Variants in ANTXR2 observed in about 807,000 individuals in gnomAD.
ANTXR2 encodes ANTXR cell adhesion molecule 2, also known as anthrax toxin receptor 2.
A neutral mutation model predicts 73.7 loss-of-function variants in ANTXR2; 44 were observed. The observed-to-expected ratio is 0.60, with a 90% CI of 0.47 to 0.77. The LOEUF is 0.77. Among genes scored for constraint, ANTXR2 ranks in the 30% least tolerant of loss-of-function variants. The probability of loss-of-function intolerance (pLI) is 0.00; values close to 1 mark genes in which losing one functional copy is unlikely to be tolerated. For missense variants in ANTXR2, 604 were observed against 592.5 expected, an observed-to-expected ratio of 1.02 and a Z score of -0.20; for synonymous variants, 217 against 205.9, an observed-to-expected ratio of 1.05 and a Z score of -0.46.
At chr4:79,919,053 G>A (rs1727465995) in intron 16 of ANTXR2, among the ~76,000 whole-genome samples, 1 of 151,902 alleles carries the variant, frequency 6.6e-6, no homozygotes, top group South Asian at 2.1e-4. Flanking sequence ...TGGCTAAAAA[G>A]ATAACAGAGG....
At chr4:79,949,138 T>C (rs778003862) in intron 16 of ANTXR2, among the ~76,000 whole-genome samples, 6 of 152,110 alleles carry the variant, frequency 3.9e-5, no homozygotes, top group Admixed American at 6.6e-5. Context: ...TCAATTTAGG[T>C]ATAAAATGTA....
intron 12 of ANTXR2, among the ~76,000 whole-genome samples, chr4:80,007,623 A>G (rs948828464): frequency 5.3e-5 from 8 of 152,192 alleles, no homozygotes; most frequent in South Asian, 2.1e-4. Flanking sequence ...TTAAAACTGG[A>G]GGACCTTTCC....
chr4:79,934,291 G>T (rs1444833852), intron 16 of ANTXR2, among the ~76,000 whole-genome samples: 1 of 152,080 alleles, frequency 6.6e-6, no homozygotes, highest in African/African-American at 2.4e-5. Context: ...CACTTTGTGG[G>T]GGCAATGTGG....
chr4:79,938,065 G>A (rs559319455), intron 16 of ANTXR2, among the ~76,000 whole-genome samples: 9 of 26,094 alleles, frequency 3.4e-4, no homozygotes, highest in Admixed American at 1.6e-3. Flanking sequence ...CACCTGGCTC[G>A]GAGGGTCCTA....
chr4:79,922,509 T>C (rs1727629442), intron 16 of ANTXR2, among the ~76,000 whole-genome samples: 1 of 152,054 alleles, frequency 6.6e-6, no homozygotes, highest in African/African-American at 2.4e-5. Context: ...ATGTAACCTT[T>C]CAAAGGTTAA....
intron 16 of ANTXR2, among the ~76,000 whole-genome samples, chr4:79,975,955 C>T (rs959720565): frequency 6.7e-6 from 1 of 149,248 alleles, no homozygotes; most frequent in African/African-American, 2.4e-5. Flanking sequence ...CTCTGTCGCC[C>T]AGGCTGGAGT....
chr4:79,917,315 A>C (rs964237877), intron 16 of ANTXR2, among the ~76,000 whole-genome samples: 2 of 152,056 alleles, frequency 1.3e-5, no homozygotes, highest in Non-Finnish European at 2.9e-5. Flanking sequence ...GGCAAGAGGA[A>C]AGAAAAAAAA....
In ANTXR2 at chr4:79,901,667, A is replaced by G. The variant is rs1726707054; in HGVS notation, c.*5762T>C. On this transcript the variant is annotated 3_prime_UTR_variant, in exon 17 of 17. Transcript: ENST00000403729. ...TATTATTATTACATTGTTATATATA[A>G]TGAAATAATTACACAACTCACTATA... 1 of 154,760 alleles carries G rather than the reference A, an allele frequency of 6.5e-6. No homozygotes were observed. Among genetic ancestry groups the G allele is most frequent in the Non-Finnish European group, 1.4e-5 (1 of 70,382 alleles). 9.6% of individuals were successfully genotyped at this position (154,760 alleles called of 1,614,324 possible). A position where few individuals can be genotyped will look rare whatever the true frequency, so the allele number is the denominator to read the frequency against.
At chr4:80,037,152 A>T (rs1404701441) in intron 7 of ANTXR2, among the ~76,000 whole-genome samples, 1 of 152,216 alleles carries the variant, frequency 6.6e-6, no homozygotes, top group Non-Finnish European at 1.5e-5. Flanking sequence ...ATTATCAGTC[A>T]GACAAATTCC....
At chr4:79,908,253 A>G (rs1726997689) in intron 16 of ANTXR2, among the ~76,000 whole-genome samples, 1 of 152,190 alleles carries the variant, frequency 6.6e-6, no homozygotes, top group African/African-American at 2.4e-5. Context: ...CAACCAGCCA[A>G]AAGCTAGCAT....
intron 16 of ANTXR2, among the ~76,000 whole-genome samples, chr4:79,923,806 A>C (rs755563544): frequency 6.6e-6 from 1 of 152,172 alleles, no homozygotes; most frequent in Admixed American, 6.6e-5. Context: ...TATTTGTAGA[A>C]GAAGCATGGT....
At chr4:79,921,928 T>C (rs1578084543) in intron 16 of ANTXR2, among the ~76,000 whole-genome samples, 2 of 152,068 alleles carry the variant, frequency 1.3e-5, no homozygotes, top group East Asian at 3.9e-4. Context: ...ACTGAGGTCA[T>C]TTATTACATC....
intron 3 of ANTXR2, among the ~76,000 whole-genome samples, chr4:80,067,922 C>T (rs764358841): frequency 9.2e-5 from 14 of 152,260 alleles, no homozygotes; most frequent in Admixed American, 3.3e-4. Flanking sequence ...CAAACTACCA[C>T]GGCACACGTT....
intron 16 of ANTXR2, among the ~76,000 whole-genome samples, chr4:79,977,152 A>C (rs1729669131): frequency 6.6e-6 from 1 of 152,220 alleles, no homozygotes; most frequent in Non-Finnish European, 1.5e-5. Flanking sequence ...ATAACTTTAA[A>C]GACACTTTTA....
At chr4:79,930,732 T>C (rs1728024460) in intron 16 of ANTXR2, among the ~76,000 whole-genome samples, 1 of 152,220 alleles carries the variant, frequency 6.6e-6, no homozygotes, top group Admixed American at 6.5e-5. Context: ...GCCCCAATTC[T>C]ATTTCACTGT....
intron 3 of ANTXR2, among the ~76,000 whole-genome samples, chr4:80,069,085 C>G (rs1386868402): frequency 6.6e-6 from 1 of 152,134 alleles, no homozygotes; most frequent in Non-Finnish European, 1.5e-5. Flanking sequence ...CTTTCTCCCC[C>G]TCAATGTTCT....
intron 10 of ANTXR2, among the ~76,000 whole-genome samples, chr4:80,026,037 T>C (rs1025785222): frequency 2.0e-5 from 3 of 152,164 alleles, no homozygotes; most frequent in African/African-American, 7.2e-5. Context: ...CAAGTCAATT[T>C]AGTGCCTAAA....
intron 14 of ANTXR2, among the ~76,000 whole-genome samples, chr4:79,982,375 G>A (rs937768830): frequency 7.9e-5 from 12 of 151,920 alleles, no homozygotes; most frequent in Admixed American, 3.9e-4. Flanking sequence ...TTTTTTCCCC[G>A]TTATATAGAT....
At chr4:79,935,156 CTTAAAA>C (rs927487235) in intron 16 of ANTXR2, among the ~76,000 whole-genome samples, 1 of 151,324 alleles carries the variant, frequency 6.6e-6, no homozygotes, top group African/African-American at 2.4e-5. Context: ...GTAACACGCC[CTTAAAA>C]TTAAAGTATA....
Sources: allele counts gnomAD v4.1 joint callset (sites outside exome capture counted in the v4.1 genomes callset), GRCh38; gene constraint gnomAD v4.1.1; transcripts MANE v1.5; gene names NCBI Gene and HGNC (gene_info 2026-07-23, HGNC 2026-07-21).